NAA60: variants seen among roughly 807,000 people sequenced by gnomAD.
The protein encoded by NAA60 is N-alpha-acetyltransferase 60.
A neutral mutation model predicts 26.1 loss-of-function variants in NAA60; 8 were observed. The ratio of observed to expected loss-of-function variants is 0.31; its 90% CI spans 0.18 to 0.55. NAA60 has a LOEUF of 0.55. NAA60 is among the 20% of genes least tolerant of loss of function. The probability of loss-of-function intolerance (pLI) is 0.93; values close to 1 mark genes in which losing one functional copy is unlikely to be tolerated. For missense variants in NAA60, 290 were observed against 311.3 expected (o/e 0.93, Z 0.51); for synonymous variants, 131 against 122.5 (o/e 1.07, Z -0.46).
chr16:3,443,721 G>T lies in NAA60; in HGVS notation c.-193G>T. 1 of 1,477,246 alleles carries T rather than the reference G, an allele frequency of 6.8e-7. No individual in the cohort carries two copies. Among genetic ancestry groups the T allele is most frequent in the Non-Finnish European group, 9.0e-7 (1 of 1,116,516 alleles). The allele number at this position is 1,477,246 out of a possible 1,614,324, so 91.5% of individuals were successfully genotyped here. A position where few individuals can be genotyped will look rare whatever the true frequency, so the allele number is the denominator to read the frequency against. On this transcript the variant is annotated 5_prime_UTR_variant, in exon 1 of 8. Transcript: ENST00000407558. ...GGTCTCCTCCGTGAGCTCCGGGCCTGTTTGCCTGCTGAAGTAGAGTCTTAG... is the reference window on the plus strand; with the variant it reads ...GGTCTCCTCCGTGAGCTCCGGGCCTTTTTGCCTGCTGAAGTAGAGTCTTAG...
chr16:3,462,086 C>CAAAAA lies in NAA60; in HGVS notation c.-7+13561_-7+13565dup, dbSNP rs1228233879. 1.5e-3 allele frequency among the ~76,000 whole-genome samples: 112 copies of CAAAAA among 76,794 alleles called. 4 individuals carry two copies. Among genetic ancestry groups the CAAAAA allele is most frequent in the African/African-American group, 4.9e-3 (93 of 18,984 alleles). The allele number at this position is 76,794 out of a possible 152,430, so 50.4% of individuals were successfully genotyped here. On this transcript the variant is annotated intron_variant, in intron 2 of 7. Transcript: ENST00000407558. ...GGAGTGATAGAGCCAGACCTTATAT[C>CAAAAA]AAAAAAAAAAAAAAAAAAACCTTTC... is the stretch of plus-strand genomic sequence containing the variant.
At position 3,483,508 on chromosome 16, in the gene NAA60, C is replaced by A; in HGVS notation, c.483C>A (p.Leu161=). ...GAGACTTCAAGCAGCACCACTATCTCCCCTATTACTACTCCATTCGAGGGG... is the reference window on the plus strand; with the variant it reads ...GAGACTTCAAGCAGCACCACTATCTACCCTATTACTACTCCATTCGAGGGG... ...ENRDFKQHHY[L]PYYYSIRGVL... is the part of the protein sequence containing the mutation. The change falls in exon 6 of 8, where the codon CTC becomes CTA. Residue 161 remains leucine (L), a synonymous_variant. Coordinates refer to ENST00000407558, the MANE Select transcript of NAA60 (RefSeq NM_001083601.3). 6.2e-7 allele frequency: 1 copy of A among 1,613,904 alleles called. No homozygotes were observed. Among genetic ancestry groups the A allele is most frequent in the South Asian group, 1.1e-5 (1 of 91,072 alleles).
chr16:3,459,054 G>GCGT (rs1484656974), intron 2 of NAA60, among the ~76,000 whole-genome samples: 1 of 152,196 alleles, frequency 6.6e-6, no homozygotes, highest in Non-Finnish European at 1.5e-5. Flanking sequence ...AGTCCTTGAG[G>GCGT]CGTACACTTT....
At chr16:3,453,459 A>G (rs867674777) in intron 2 of NAA60, among the ~76,000 whole-genome samples, 3 of 152,054 alleles carry the variant, frequency 2.0e-5, no homozygotes, top group African/African-American at 7.2e-5. Flanking sequence ...TCCAGGCTGG[A>G]GTGCAATGGC....
chr16:3,465,514 C>T (rs898826528), intron 2 of NAA60, among the ~76,000 whole-genome samples: 4 of 152,170 alleles, frequency 2.6e-5, no homozygotes, highest in African/African-American at 9.7e-5. Context: ...CAATCCAGCC[C>T]TGGCTCAAGA....
At chr16:3,455,705 GT>G (rs975769429) in intron 2 of NAA60, among the ~76,000 whole-genome samples, 2 of 149,486 alleles carry the variant, frequency 1.3e-5, no homozygotes, top group Non-Finnish European at 3.0e-5. Flanking sequence ...CAAGTTTTGG[GT>G]TTTTTTGTTT....
chr16:3,475,440 T>C (rs532224483), intron 2 of NAA60, among the ~76,000 whole-genome samples: 18 of 152,168 alleles, frequency 1.2e-4, no homozygotes, highest in African/African-American at 4.3e-4. Context: ...CCAAGGCTTC[T>C]GTTTTCCCCT....
intron 1 of NAA60, among the ~76,000 whole-genome samples, chr16:3,446,066 A>C (rs1055934809): frequency 6.6e-6 from 1 of 152,192 alleles, no homozygotes; most frequent in Admixed American, 6.5e-5. Flanking sequence ...CTTCCACGAC[A>C]ATCTTTTGCA....
Position 3,482,428 on chromosome 16 carries a change from C to T in NAA60, c.241-74C>T, listed in dbSNP as rs528948685. On this transcript the variant is annotated intron_variant, in intron 4 of 7. Coordinates refer to ENST00000407558, the MANE Select transcript of NAA60 (RefSeq NM_001083601.3). ...TGTCGTGGGAAGTCGGTGCGGAGCCCGCCTGGGCCGGGCTGTGCAGTGAGC... is the reference window on the plus strand; with the variant it reads ...TGTCGTGGGAAGTCGGTGCGGAGCCTGCCTGGGCCGGGCTGTGCAGTGAGC... 382 of 1,274,272 alleles carry T rather than the reference C, an allele frequency of 3.0e-4. 1 individual carries two copies. The highest frequency in any genetic ancestry group is 1.9e-3 in the Middle Eastern group (10 of 5,348). The allele number at this position is 1,274,272 out of a possible 1,614,324, so 78.9% of individuals were successfully genotyped here.
chr16:3,477,274 T>G (rs1596346176), intron 3 of NAA60, among the ~76,000 whole-genome samples: 1 of 152,264 alleles, frequency 6.6e-6, no homozygotes, highest in Non-Finnish European at 1.5e-5. Flanking sequence ...TTGTCTGTCT[T>G]GCCTACAATA....
At chr16:3,480,680 A>G (rs2036774968) in intron 4 of NAA60, among the ~76,000 whole-genome samples, 1 of 117,062 alleles carries the variant, frequency 8.5e-6, no homozygotes, top group South Asian at 2.8e-4. Flanking sequence ...CATTTTGGGC[A>G]GATCACGAGG....
chr16:3,448,527 A>G lies in NAA60; in HGVS notation c.-20A>G. ...GTGCGGAGCCAGCCTGAGTTGGGAG[A>G]AGAGCTCCAGAGAGTGAGTCAAAGC... On this transcript the variant is annotated 5_prime_UTR_variant, in exon 2 of 8. Coordinates refer to ENST00000407558, the MANE Select transcript of NAA60 (RefSeq NM_001083601.3). 3 of 1,535,580 alleles carry G rather than the reference A, an allele frequency of 2.0e-6. No individual in the cohort carries two copies. The South Asian group carries it at 3.6e-5, about 18-fold the overall frequency.
intron 2 of NAA60, chr16:3,458,312 G>A: frequency 1.8e-6 from 1 of 541,430 alleles, no homozygotes; most frequent in Non-Finnish European, 2.4e-6. Flanking sequence ...TGGTGAGGCA[G>A]GCCCGGCCGC....
At chr16:3,446,966 C>T (rs774082194) in intron 1 of NAA60, among the ~76,000 whole-genome samples, 7 of 151,852 alleles carry the variant, frequency 4.6e-5, no homozygotes, top group African/African-American at 9.7e-5. Flanking sequence ...CTCAGCCTCC[C>T]GAGTAGCTGG....
chr16:3,446,260 G>A (rs747260336), intron 1 of NAA60, among the ~76,000 whole-genome samples: 22 of 152,106 alleles, frequency 1.4e-4, no homozygotes, highest in South Asian at 4.1e-4. Flanking sequence ...GGCTGGGTGC[G>A]GTGGCTCACG....
chr16:3,479,012 G>C (rs2036660592), intron 3 of NAA60, among the ~76,000 whole-genome samples: 1 of 152,160 alleles, frequency 6.6e-6, no homozygotes, highest in Admixed American at 6.6e-5. Flanking sequence ...AAGACGGGCA[G>C]ATCACATGAG....
chr16:3,448,054 C>A (rs1335418644), intron 1 of NAA60, among the ~76,000 whole-genome samples: 1 of 152,000 alleles, frequency 6.6e-6, no homozygotes, highest in Non-Finnish European at 1.5e-5. Context: ...ACCAAAGACT[C>A]CTGGAGGGTA....
intron 2 of NAA60, among the ~76,000 whole-genome samples, chr16:3,459,722 G>A (rs76319805): frequency 0.067 from 10,211 of 152,128 alleles, 446 homozygotes; most frequent in South Asian, 0.17. Context: ...GCATGGTCTG[G>A]TATCAGCATG....
At chr16:3,467,624 G>A (rs936566526) in intron 2 of NAA60, 5 of 152,182 alleles carry the variant, frequency 3.3e-5, no homozygotes, top group Non-Finnish European at 7.3e-5. Context: ...CATCATGAGG[G>A]TGTCAGGAAA....
Sources: allele counts gnomAD v4.1 joint callset (sites outside exome capture counted in the v4.1 genomes callset), GRCh38; gene constraint gnomAD v4.1.1; transcripts MANE v1.5; gene names NCBI Gene and HGNC (gene_info 2026-07-23, HGNC 2026-07-21).